MLANA: variants seen among roughly 807,000 people sequenced by gnomAD.
MLANA encodes melan-A, also known as melanoma antigen recognized by T-cells 1.
In MLANA, 21 loss-of-function variants were observed where a neutral mutation model predicts 15.7. That is an observed-to-expected ratio of 1.33 (90% CI 0.95 to 1.92). The LOEUF (loss-of-function observed/expected upper bound fraction) is 1.92, where lower values mean the gene tolerates loss of function less well. MLANA is among the 40% of genes most tolerant of loss of function. The pLI is 0.00. For missense variants in MLANA, 164 were observed against 143.8 expected, an observed-to-expected ratio of 1.14 and a Z score of -0.72; for synonymous variants, 56 against 51.5, an observed-to-expected ratio of 1.09 and a Z score of -0.37.
At chr9:5,904,262 ATC>A (rs1202039183) in intron 3 of MLANA, among the ~76,000 whole-genome samples, 4 of 152,280 alleles carry the variant, frequency 2.6e-5, no homozygotes, top group African/African-American at 9.6e-5. Context: ...CACTCTGACA[ATC>A]TGTCTTTTAA....
At chr9:5,891,487 A>G (rs910875640) in intron 1 of MLANA, among the ~76,000 whole-genome samples, 9 of 152,186 alleles carry the variant, frequency 5.9e-5, no homozygotes, top group African/African-American at 2.2e-4. Context: ...ATGTGTCGAA[A>G]TCCCCACTCT....
intron 4 of MLANA, 117 bp downstream of exon 4, chr9:5,907,115 C>G: frequency 1.9e-6 from 1 of 537,600 alleles, no homozygotes; most frequent in Non-Finnish European, 3.0e-6. Flanking sequence ...TGCCACTGAA[C>G]TATATACACC....
In MLANA at chr9:5,893,121, TA is replaced by T; in HGVS notation, c.77+571del. On this transcript the variant is annotated intron_variant, in intron 2 of 4. Transcript: ENST00000381477. ...AAGCATTTCTAAATGCTAAGCATTGTATACTGGCGTGAGACACTGTTTTTAT... is the reference window on the plus strand; with the variant it reads ...AAGCATTTCTAAATGCTAAGCATTGTTACTGGCGTGAGACACTGTTTTTAT... Among the ~76,000 whole-genome samples, 2 of 152,384 alleles carry T rather than the reference TA, an allele frequency of 1.3e-5. 1 individual carries two copies. Among genetic ancestry groups the T allele is most frequent in the Middle Eastern group, 6.8e-3 (2 of 294 alleles).
rs542453105 is a variant in MLANA, at chr9:5,894,211, G to T, written c.77+1660G>T. ...AGTGGAGTTGTCCTTTGCCATGTAG[G>T]GCCATCATGCCCAGCTGGGGAACCT... On this transcript the variant is annotated intron_variant, in intron 2 of 4. Transcript: ENST00000381477. This position sits in a 1 kb window ranked among gnomAD's most constrained non-coding sequence, Gnocchi z 4.0. Among the ~76,000 whole-genome samples, 3 of 152,134 alleles carry T rather than the reference G, an allele frequency of 2.0e-5. No homozygotes were observed. In the East Asian group the frequency reaches 5.8e-4, roughly 30 times the overall value.
At chr9:5,897,166 T>A (rs941214018) in intron 2 of MLANA, among the ~76,000 whole-genome samples, 3 of 152,248 alleles carry the variant, frequency 2.0e-5, no homozygotes, top group African/African-American at 7.2e-5. Context: ...TCAGTGTTAA[T>A]TTCTATTTTC....
intron 3 of MLANA, among the ~76,000 whole-genome samples, chr9:5,906,166 C>T (rs968580464): frequency 6.8e-6 from 1 of 148,072 alleles, no homozygotes; most frequent in African/African-American, 2.5e-5. Flanking sequence ...GCCTAGGCAA[C>T]TTAGCAAGAT....
chr9:5,909,924 C>A lies in MLANA; in HGVS notation c.*1216C>A, dbSNP rs1265728996. 1 of 152,246 alleles carries A rather than the reference C, an allele frequency of 6.6e-6. No homozygotes were observed. Among genetic ancestry groups the A allele is most frequent in the African/African-American group, 2.4e-5 (1 of 41,470 alleles). The allele number at this position is 152,246 out of a possible 1,614,324, so 9.4% of individuals were successfully genotyped here. A position where few individuals can be genotyped will look rare whatever the true frequency, so the allele number is the denominator to read the frequency against. On this transcript the variant is annotated 3_prime_UTR_variant, in exon 5 of 5. Coordinates refer to ENST00000381477, the MANE Select transcript of MLANA (RefSeq NM_005511.2). The stretch of plus-strand genomic sequence containing the variant: ...ATTTATCTAATATTTCTCTTTCAGG[C>A]AGCTCATTTAAACTTTTTTTGGCTT...
chr9:5,908,490 A>G lies in MLANA; in HGVS notation c.289-150A>G, dbSNP rs752520451. The G allele has an allele frequency of 1.4e-5, 10 of 705,282 alleles. No homozygotes were observed. In the Admixed American group the frequency reaches 2.4e-4, roughly 17 times the overall value. 43.7% of individuals were successfully genotyped at this position (705,282 alleles called of 1,614,324 possible). The stretch of plus-strand genomic sequence containing the variant: ...GCCTATATACTTGTGAAATTTAACA[A>G]TTACTTCACTGGGCAGAAATTATAT... On this transcript the variant is annotated intron_variant, in intron 4 of 4. Coordinates refer to ENST00000381477, the MANE Select transcript of MLANA (RefSeq NM_005511.2).
chr9:5,902,181 TAATA>T (rs1462430073), intron 3 of MLANA, among the ~76,000 whole-genome samples: 1 of 152,212 alleles, frequency 6.6e-6, no homozygotes, highest in African/African-American at 2.4e-5. Flanking sequence ...TCAATTTTTA[TAATA>T]GATATAAATC....
In MLANA at chr9:5,905,064, T is replaced by C. The variant is rs567256793; in HGVS notation, c.175-1821T>C. ...CTGCGATTACAGGTGTGAGCCACCG[T>C]GCCCGGCCTTATACTTCTTTTTTAC... On this transcript the variant is annotated intron_variant, in intron 3 of 4. Coordinates refer to ENST00000381477, the MANE Select transcript of MLANA (RefSeq NM_005511.2). Among the ~76,000 whole-genome samples, 12 of 152,324 alleles carry C rather than the reference T, an allele frequency of 7.9e-5. No individual in the cohort carries two copies. The South Asian group carries it at 8.3e-4, about 11-fold the overall frequency.
intron 3 of MLANA, among the ~76,000 whole-genome samples, chr9:5,901,322 A>G (rs1390162167): frequency 6.6e-6 from 1 of 152,160 alleles, no homozygotes; most frequent in Non-Finnish European, 1.5e-5. Context: ...AAAAGCTTCA[A>G]GTATGATGTT....
intron 1 of MLANA, chr9:5,891,398 C>G (rs1831648969): frequency 6.6e-6 from 1 of 152,194 alleles, no homozygotes; most frequent in African/African-American, 2.4e-5. Context: ...CTTGAGAGGA[C>G]TGGTGAGTTT....
intron 3 of MLANA, 109 bp downstream of exon 3, chr9:5,897,762 C>T: frequency 2.1e-6 from 2 of 973,092 alleles, no homozygotes. Context: ...TAACCTTCAG[C>T]TCTGATTCCG....
At chr9:5,904,601 T>C (rs1832677015) in intron 3 of MLANA, among the ~76,000 whole-genome samples, 1 of 151,932 alleles carries the variant, frequency 6.6e-6, no homozygotes, top group Admixed American at 6.6e-5. Context: ...GCCTCCTGAG[T>C]AGCTGAGATT....
chr9:5,907,388 T>C (rs1832884499), intron 4 of MLANA, among the ~76,000 whole-genome samples: 1 of 152,226 alleles, frequency 6.6e-6, no homozygotes, highest in South Asian at 2.1e-4. Flanking sequence ...GTACCTATTA[T>C]TTATTGTATA....
At chr9:5,897,696 C>A in intron 3 of MLANA, 43 bp downstream of exon 3, 1 of 1,513,526 alleles carries the variant, frequency 6.6e-7, no homozygotes, top group Non-Finnish European at 9.2e-7. Flanking sequence ...AAGTCCAGGG[C>A]CCTCTTTCCA....
intron 3 of MLANA, chr9:5,898,241 G>T (rs540897097): frequency 1.3e-5 from 2 of 152,954 alleles, no homozygotes; most frequent in South Asian, 4.1e-4. Flanking sequence ...TAGAGACGAG[G>T]TCCCACTATG....
intron 4 of MLANA, 101 bp from the exon 5 acceptor site, chr9:5,908,539 C>A: frequency 2.9e-6 from 3 of 1,046,252 alleles, no homozygotes; most frequent in Non-Finnish European, 4.3e-6. Context: ...AATTTCAGTC[C>A]ACAGGGAAAG....
intron 3 of MLANA, among the ~76,000 whole-genome samples, chr9:5,902,231 G>C (rs1395059910): frequency 6.6e-6 from 1 of 152,126 alleles, no homozygotes; most frequent in Non-Finnish European, 1.5e-5. Flanking sequence ...CGTGGATTTT[G>C]ACAGATTGTG....
Sources: gnomAD v4.1 joint callset for allele counts (sites outside exome capture counted in the v4.1 genomes callset) on GRCh38, gnomAD v4.1.1 for gene constraint, Gnocchi (gnomAD v3.1) non-coding constraint, MANE v1.5 for transcripts, NCBI Gene and HGNC (gene_info 2026-07-23, HGNC 2026-07-21) for gene names.